Variants in GPBP1 observed in about 807,000 individuals in gnomAD.
The protein encoded by GPBP1 is GC-rich promoter binding protein 1.
A neutral mutation model predicts 56.5 loss-of-function variants in GPBP1; 13 were observed. That is an observed-to-expected ratio of 0.23 (90% CI 0.15 to 0.37). The LOEUF (loss-of-function observed/expected upper bound fraction) is 0.37. Ranked by LOEUF, GPBP1 falls within the 10% of genes least tolerant of loss-of-function variation. The pLI is 1.00. For synonymous variants in GPBP1, 204 were observed against 188.9 expected (o/e 1.08, Z -0.66); for missense variants, 477 against 572.3 (o/e 0.83, Z 1.70).
At chr5:57,208,959 A>T (rs1038616234) in intron 2 of GPBP1, among the ~76,000 whole-genome samples, 1 of 151,964 alleles carries the variant, frequency 6.6e-6, no homozygotes, top group Admixed American at 6.6e-5. Context: ...TGGGCCAGGG[A>T]TGTCTTTCTG....
chr5:57,179,556 G>A (rs1362517160), intron 2 of GPBP1, among the ~76,000 whole-genome samples: 1 of 152,160 alleles, frequency 6.6e-6, no homozygotes, highest in Non-Finnish European at 1.5e-5. Flanking sequence ...CAGGCATGGA[G>A]CTAAATGCAT....
intron 7 of GPBP1, 39 bp from the exon 8 acceptor site, chr5:57,247,036 G>C: frequency 6.3e-7 from 1 of 1,578,632 alleles, no homozygotes; most frequent in Non-Finnish European, 8.6e-7. Context: ...CCTGTAACCT[G>C]TTTTTGATAG....
intron 3 of GPBP1, among the ~76,000 whole-genome samples, chr5:57,222,676 C>T (rs1756003867): frequency 6.6e-6 from 1 of 151,870 alleles, no homozygotes; most frequent in South Asian, 2.1e-4. Flanking sequence ...TGTAGAAATA[C>T]CTGGGCATTT....
At chr5:57,230,538 CTT>C (rs1458109652) in intron 3 of GPBP1, among the ~76,000 whole-genome samples, 11 of 152,098 alleles carry the variant, frequency 7.2e-5, no homozygotes, top group Admixed American at 7.2e-4. Flanking sequence ...ATGATAAAGA[CTT>C]AACATTTTGT....
chr5:57,211,033 A>G (rs1755453796), intron 2 of GPBP1, among the ~76,000 whole-genome samples: 1 of 152,234 alleles, frequency 6.6e-6, no homozygotes, highest in Non-Finnish European at 1.5e-5. Context: ...CATAACATAC[A>G]CAGGGAAAGG....
At chr5:57,218,550 A>G (rs1036571783) in intron 3 of GPBP1, among the ~76,000 whole-genome samples, 1 of 152,090 alleles carries the variant, frequency 6.6e-6, no homozygotes, top group African/African-American at 2.4e-5. Flanking sequence ...CAATTGGTCT[A>G]TGGGTGGTGG....
chr5:57,207,131 TTGAA>T (rs2111728445), intron 2 of GPBP1, among the ~76,000 whole-genome samples: 1 of 141,540 alleles, frequency 7.1e-6, no homozygotes, highest in African/African-American at 2.6e-5. Context: ...GGCAAAGGAC[TTGAA>T]TATTTTTCCT....
chr5:57,226,740 T>A lies in GPBP1; in HGVS notation c.64-4106T>A, dbSNP rs1262087089. On this transcript the variant is annotated intron_variant, in intron 3 of 11. Transcript: ENST00000506184. The stretch of plus-strand genomic sequence containing the variant: ...CTAATTTTTGTATTCTTTTTTTTTT[T>A]TTTTTTTTTTTTTTTTTGAGACAGA... Among the ~76,000 whole-genome samples the A allele has an allele frequency of 8.5e-5, 6 of 70,762 alleles. No homozygotes were observed. The Admixed American group carries it at 1.2e-3, about 14-fold the overall frequency. 46.4% of individuals were successfully genotyped at this position (70,762 alleles called of 152,430 possible). A position where few individuals can be genotyped will look rare whatever the true frequency, so the allele number is the denominator to read the frequency against.
chr5:57,236,604 A>AT (rs541715033), intron 6 of GPBP1, among the ~76,000 whole-genome samples: 2 of 150,792 alleles, frequency 1.3e-5, no homozygotes, highest in African/African-American at 2.4e-5. Flanking sequence ...CCCAGCCCCC[A>AT]TTTTTTTTTA....
intron 2 of GPBP1, among the ~76,000 whole-genome samples, chr5:57,212,130 A>G (rs985660508): frequency 6.6e-6 from 1 of 151,368 alleles, no homozygotes; most frequent in African/African-American, 2.4e-5. Context: ...GGGTTTCACC[A>G]TTTTGGCCAG....
At chr5:57,188,792 C>CGAGA (rs1754398460) in intron 2 of GPBP1, among the ~76,000 whole-genome samples, 2 of 152,082 alleles carry the variant, frequency 1.3e-5, no homozygotes, top group African/African-American at 2.4e-5. Context: ...CCCATACTCT[C>CGAGA]TCTATTCTTT....
intron 5 of GPBP1, among the ~76,000 whole-genome samples, chr5:57,234,321 T>C (rs1580054478): frequency 1.3e-5 from 2 of 152,360 alleles, no homozygotes; most frequent in South Asian, 4.1e-4. Context: ...AGATTAGCTT[T>C]AGAGCACTCA....
intron 3 of GPBP1, among the ~76,000 whole-genome samples, chr5:57,219,405 C>CAAAAAAAAAAAAA (rs1200185260): frequency 2.9e-5 from 1 of 34,194 alleles, no homozygotes; most frequent in Non-Finnish European, 5.4e-5. Context: ...AAAAAAAAAC[C>CAAAAAAAAAAAAA]AAAAACAAAC....
chr5:57,220,693 C>T (rs928012162), intron 3 of GPBP1, among the ~76,000 whole-genome samples: 1 of 152,078 alleles, frequency 6.6e-6, no homozygotes, highest in Admixed American at 6.6e-5. Context: ...CTCCTGACCT[C>T]AGGTGATCAA....
chr5:57,190,892 G>T (rs1754493487), intron 2 of GPBP1, among the ~76,000 whole-genome samples: 1 of 151,550 alleles, frequency 6.6e-6, no homozygotes, highest in African/African-American at 2.4e-5. Context: ...TTTTTTGGTA[G>T]AGACGGGGTT....
chr5:57,175,371 G>T, intron 1 of GPBP1, 77 bp from the exon 2 acceptor site: 2 of 395,412 alleles, frequency 5.1e-6, no homozygotes, highest in East Asian at 7.2e-5. Context: ...TCCAGAGGTT[G>T]ACTTTTTAAG....
At position 57,236,964 on chromosome 5, in the gene GPBP1, G is replaced by A. The variant is rs555487406; in HGVS notation, c.478+932G>A. 3.8e-4 allele frequency: 229 copies of A among 595,656 alleles called. 2 individuals carry two copies. The highest frequency in any genetic ancestry group is 3.6e-3 in the South Asian group (189 of 52,352). The allele number at this position is 595,656 out of a possible 1,614,324, so 36.9% of individuals were successfully genotyped here. A position where few individuals can be genotyped will look rare whatever the true frequency, so the allele number is the denominator to read the frequency against. On this transcript the variant is annotated intron_variant, in intron 6 of 11. Coordinates refer to ENST00000506184, the MANE Select transcript of GPBP1 (RefSeq NM_022913.4). ...ATATTGTATGTATGAGGTGAAACTC[G>A]GGAATTATTTTGTTTTCTTTTGATC...
chr5:57,191,773 GATGGTCTCA>G (rs1307938437), intron 2 of GPBP1, among the ~76,000 whole-genome samples: 2 of 152,022 alleles, frequency 1.3e-5, no homozygotes, highest in Non-Finnish European at 2.9e-5. Context: ...TGTTGGCCAG[GATGGTCTCA>G]ATCTCTTGAC....
intron 10 of GPBP1, among the ~76,000 whole-genome samples, chr5:57,251,666 T>C (rs1244121166): frequency 6.6e-6 from 1 of 152,128 alleles, no homozygotes; most frequent in Non-Finnish European, 1.5e-5. Context: ...ATATAAGTTC[T>C]TGTGTGGATA....
Sources: gnomAD v4.1 joint callset for allele counts (sites outside exome capture counted in the v4.1 genomes callset) on GRCh38, gnomAD v4.1.1 for gene constraint, MANE v1.5 for transcripts, NCBI Gene and HGNC (gene_info 2026-07-23, HGNC 2026-07-21) for gene names.